Variants in RGS3 observed in about 807,000 individuals in gnomAD.
RGS3 encodes regulator of G-protein signalling 3.
A neutral mutation model predicts 132.6 loss-of-function variants in RGS3; 80 were observed. That is an observed-to-expected ratio of 0.60 (90% CI 0.50 to 0.73). RGS3 has a LOEUF of 0.73. Ranked by LOEUF, RGS3 falls within the 30% of genes least tolerant of loss-of-function variation. The pLI is 0.00. For synonymous variants in RGS3, 598 were observed against 620.6 expected (o/e 0.96, Z 0.54); for missense variants, 1,382 against 1,530.8 (o/e 0.90, Z 1.62).
chr9:113,594,093 G>A (rs12350531), intron 21 of RGS3: 163 of 1,612,746 alleles, frequency 1.0e-4, no homozygotes, highest in African/African-American at 2.8e-4. Context: ...GGCTCCTCCT[G>A]TCTGAGTCCC....
At chr9:113,526,065 C>A (rs944854283) in intron 17 of RGS3, among the ~76,000 whole-genome samples, 14 of 152,244 alleles carry the variant, frequency 9.2e-5, no homozygotes, top group African/African-American at 3.4e-4. Context: ...CCATTGTGGT[C>A]TCTTCCTGCC....
chr9:113,559,854 T>A (rs1833719749), intron 19 of RGS3, among the ~76,000 whole-genome samples: 1 of 152,210 alleles, frequency 6.6e-6, no homozygotes, highest in Non-Finnish European at 1.5e-5. Context: ...AATTTTACCA[T>A]TTACATTAAC....
chr9:113,503,392 T>C, intron 10 of RGS3: 1 of 152,680 alleles, frequency 6.5e-6, no homozygotes, highest in Non-Finnish European at 1.5e-5. Flanking sequence ...AGTGTAATTC[T>C]GCTTCCTCCG....
intron 4 of RGS3, 175 bp from the exon 3 acceptor site, chr9:113,482,884 T>C: frequency 1.4e-6 from 2 of 1,458,514 alleles, no homozygotes; most frequent in Non-Finnish European, 1.8e-6. Context: ...CCAATGGTGG[T>C]TATGCAGATT....
chr9:113,470,871 A>G (rs950181595), intron 3 of RGS3, among the ~76,000 whole-genome samples: 3 of 152,148 alleles, frequency 2.0e-5, no homozygotes, highest in Non-Finnish European at 4.4e-5. Flanking sequence ...AGGCTGAGGA[A>G]GGAGGATCAC....
intron 16 of RGS3, chr9:113,522,718 T>C: frequency 1.8e-6 from 1 of 570,230 alleles, no homozygotes; most frequent in Non-Finnish European, 3.2e-6. Context: ...AGTGGAAGTA[T>C]AGGAAGCTGG....
At chr9:113,570,867 C>T (rs766888070) in intron 19 of RGS3, among the ~76,000 whole-genome samples, 2 of 152,184 alleles carry the variant, frequency 1.3e-5, no homozygotes, top group African/African-American at 2.4e-5. Flanking sequence ...AACTCCTGAC[C>T]TCAGGTGATC....
chr9:113,458,546 A>G (rs1316756165), upstream of RGS3, among the ~76,000 whole-genome samples: 1 of 152,202 alleles, frequency 6.6e-6, no homozygotes, highest in African/African-American at 2.4e-5. Flanking sequence ...AGAAATTTCA[A>G]ACTAGCTGTG....
At chr9:113,491,066 ATATT>A (rs1219288652) in intron 7 of RGS3, among the ~76,000 whole-genome samples, 1 of 139,706 alleles carries the variant, frequency 7.2e-6, no homozygotes, top group Admixed American at 7.3e-5. Flanking sequence ...TTATAATTAT[ATATT>A]GGTATATATA....
At chr9:113,485,503 G>T in intron 6 of RGS3, 122 bp from the exon 5 acceptor site, 1 of 656,974 alleles carries the variant, frequency 1.5e-6, no homozygotes. Context: ...TTGTAATATA[G>T]TTTATTTAAC....
intron 1 of RGS3, among the ~76,000 whole-genome samples, chr9:113,449,647 ATTAT>A (rs1225386619): frequency 1.3e-5 from 2 of 152,098 alleles, no homozygotes; most frequent in East Asian, 1.9e-4. Context: ...TGACATAGGG[ATTAT>A]TTAAGGATAA....
intron 18 of RGS3, among the ~76,000 whole-genome samples, chr9:113,532,528 T>C (rs1832515108): frequency 6.6e-6 from 1 of 152,176 alleles, no homozygotes; most frequent in Non-Finnish European, 1.5e-5. Flanking sequence ...CACTCTGCTG[T>C]TGAGACAGGC....
exon 20 of RGS3, chr9:113,583,483 A>T: frequency 6.2e-7 from 1 of 1,614,154 alleles, no homozygotes; most frequent in South Asian, 1.1e-5. Context: ...GAAGAGGGAG[A>T]TGGCCTTGGA....
chr9:113,580,954 T>C (rs1397878704), intron 19 of RGS3: 1 of 977,770 alleles, frequency 1.0e-6, no homozygotes, highest in East Asian at 1.2e-4. Context: ...TGCCAGGCCC[T>C]GAGGGCACCC....
intron 19 of RGS3, among the ~76,000 whole-genome samples, chr9:113,556,296 G>T (rs1833564483): frequency 6.6e-6 from 1 of 152,072 alleles, no homozygotes; most frequent in African/African-American, 2.4e-5. Flanking sequence ...CTTTCAGTCT[G>T]AAGACCCAAG....
rs1487052608 is a variant in RGS3, at chr9:113,565,057, A to T, written c.2038-18393A>T. On this transcript the variant is annotated intron_variant, in intron 19 of 24. Coordinates refer to ENST00000350696, the Ensembl canonical transcript of RGS3. The surrounding 1 kb of genome is among the most constrained non-coding windows in gnomAD (Gnocchi z 5.7). Reference sequence around the variant, plus strand: ...TGGGGTGGAGCCTGCTAGGGATCCCAGTGCCAGGGGGTGCCGTTGTGAGGG... The same window carrying T: ...TGGGGTGGAGCCTGCTAGGGATCCCTGTGCCAGGGGGTGCCGTTGTGAGGG... 1 of 1,130,200 alleles carries T rather than the reference A, an allele frequency of 8.8e-7. No homozygotes were observed. Among genetic ancestry groups the T allele is most frequent in the African/African-American group, 1.6e-5 (1 of 60,998 alleles). 70.0% of individuals were successfully genotyped at this position (1,130,200 alleles called of 1,614,324 possible).
At chr9:113,569,578 TTTCC>T (rs1226691424) in intron 19 of RGS3, among the ~76,000 whole-genome samples, 13,053 of 88,576 alleles carry the variant, frequency 0.15, 816 homozygotes, top group East Asian at 0.16. Context: ...TCTTTCCTTC[TTTCC>T]TTCCTTCCTT....
At chr9:113,583,720 C>A (rs866430392) in exon 20 of RGS3, 1 of 1,613,904 alleles carries the variant, frequency 6.2e-7, no homozygotes, top group Non-Finnish European at 8.5e-7. Flanking sequence ...ATGCCAGGAA[C>A]CCCCTCCAGC....
exon 2 of RGS3, chr9:113,461,843 T>C (rs749923657): frequency 6.2e-7 from 1 of 1,613,814 alleles, no homozygotes; most frequent in Non-Finnish European, 8.5e-7. Context: ...CAGTGGTCCC[T>C]GGCGAAGTTG....
Sources: allele counts gnomAD v4.1 joint callset (sites outside exome capture counted in the v4.1 genomes callset), GRCh38; gene constraint gnomAD v4.1.1; non-coding constraint Gnocchi (gnomAD v3.1); transcripts MANE v1.5; gene names NCBI Gene and HGNC (gene_info 2026-07-23, HGNC 2026-07-21).